The following SPSB1 variants were observed in gnomAD, a reference collection of about 807,000 sequenced individuals.
SPSB1 encodes splA/ryanodine receptor domain and SOCS box containing 1, also known as SPRY domain-containing SOCS box protein 1.
SPSB1 carries 8 observed loss-of-function variants against 21.2 expected under a neutral mutation model. The observed-to-expected ratio is 0.38, with a 90% CI of 0.22 to 0.68. SPSB1 has a LOEUF of 0.68. Ranked by LOEUF, SPSB1 falls within the 30% of genes least tolerant of loss-of-function variation. The pLI, the probability that SPSB1 is intolerant of heterozygous loss-of-function variation, is 0.53. For missense variants in SPSB1, 242 were observed against 377.8 expected (o/e 0.64, Z 2.98); for synonymous variants, 169 against 161.7 (o/e 1.05, Z -0.34).
At chr1:9,326,267 A>AC (rs1639814283) in intron 1 of SPSB1, among the ~76,000 whole-genome samples, 1 of 151,710 alleles carries the variant, frequency 6.6e-6, no homozygotes, top group Non-Finnish European at 1.5e-5. Flanking sequence ...TCCCAGCACC[A>AC]CCCCAAGGGC....
In SPSB1 at chr1:9,369,029, A is replaced by T. The variant is rs956471058; in HGVS notation, c.*1454A>T. 3.9e-5 allele frequency: 6 copies of T among 152,506 alleles called. No homozygotes were observed. Among genetic ancestry groups the T allele is most frequent in the Non-Finnish European group, 8.8e-5 (6 of 68,028 alleles). The allele number at this position is 152,506 out of a possible 1,614,324, so 9.4% of individuals were successfully genotyped here. A position where few individuals can be genotyped will look rare whatever the true frequency, so the allele number is the denominator to read the frequency against. ...CAATAGATGACTTTATTTGTTTAAA[A>T]TGTTTAATATATATACATACATATA... On this transcript the variant is annotated 3_prime_UTR_variant, in exon 3 of 3. Transcript: ENST00000328089.
intron 1 of SPSB1, among the ~76,000 whole-genome samples, chr1:9,323,490 A>G (rs1379375620): frequency 6.6e-6 from 1 of 152,208 alleles, no homozygotes; most frequent in Non-Finnish European, 1.5e-5. Context: ...CTTGAAGGTC[A>G]GAAGTCAGTG....
chr1:9,333,434 G>A (rs746157194), intron 1 of SPSB1, among the ~76,000 whole-genome samples: 3 of 151,006 alleles, frequency 2.0e-5, no homozygotes, highest in African/African-American at 7.3e-5. Context: ...AGGTTCAGGC[G>A]ATTCTTCTGC....
chr1:9,343,084 A>AGGT (rs1343985951), intron 1 of SPSB1, among the ~76,000 whole-genome samples: 5 of 152,276 alleles, frequency 3.3e-5, no homozygotes, highest in Admixed American at 1.3e-4. Flanking sequence ...GTTTTTATTG[A>AGGT]GGTGAAATTC....
In SPSB1 at chr1:9,329,208, C is replaced by T. The variant is rs561780824; in HGVS notation, c.-149-26535C>T. On this transcript the variant is annotated intron_variant, in intron 1 of 2. Coordinates refer to ENST00000328089, the MANE Select transcript of SPSB1 (RefSeq NM_025106.4). ...TGCAGGTGGTTCAGTCTGCATGGGG[C>T]CCGAGCACAGCCGGTTGAGGGTTTG... is the stretch of plus-strand genomic sequence containing the variant. Among the ~76,000 whole-genome samples the T allele has an allele frequency of 1.2e-4, 19 of 152,134 alleles. No homozygotes were observed. In the South Asian group the frequency reaches 2.1e-3, roughly 17 times the overall value.
At chr1:9,314,434 G>A (rs1247087919) in intron 1 of SPSB1, among the ~76,000 whole-genome samples, 1 of 151,866 alleles carries the variant, frequency 6.6e-6, no homozygotes, top group South Asian at 2.1e-4. Flanking sequence ...CCACTTGTGA[G>A]CATCTAGACC....
intron 1 of SPSB1, among the ~76,000 whole-genome samples, chr1:9,303,806 G>A (rs1238785617): frequency 5.9e-5 from 9 of 152,210 alleles, no homozygotes; most frequent in African/African-American, 1.9e-4. Flanking sequence ...GATAAGGGGC[G>A]AACCTGTGAT....
rs57871457 is a variant in SPSB1 at position 9,361,156 on chromosome 1, C to CTTTTTTTTTTTT, written c.694+4587_694+4598dup. On this transcript the variant is annotated intron_variant, in intron 2 of 2. Transcript: ENST00000328089. ...CAGGCATGGCTGGATCTGTCATTTT[C>CTTTTTTTTTTTT]TTTTTTTTTTTTTTTTTTTTTTTTT... 2.6e-4 allele frequency among the ~76,000 whole-genome samples: 27 copies of CTTTTTTTTTTTT among 102,568 alleles called. 1 individual carries two copies. Among genetic ancestry groups the CTTTTTTTTTTTT allele is most frequent in the African/African-American group, 1.1e-3 (27 of 24,216 alleles). The allele number at this position is 102,568 out of a possible 152,430, so 67.3% of individuals were successfully genotyped here. A position where few individuals can be genotyped will look rare whatever the true frequency, so the allele number is the denominator to read the frequency against.
intron 2 of SPSB1, among the ~76,000 whole-genome samples, chr1:9,359,849 G>GGA (rs1553128812): frequency 6.6e-6 from 1 of 151,142 alleles, no homozygotes; most frequent in Non-Finnish European, 1.5e-5. Flanking sequence ...ATGGAAGCCG[G>GGA]GGGGGTGGGT....
chr1:9,297,361 G>T (rs1012491343), intron 1 of SPSB1, among the ~76,000 whole-genome samples: 1 of 152,094 alleles, frequency 6.6e-6, no homozygotes, highest in Non-Finnish European at 1.5e-5. Flanking sequence ...TCCAGGGTTG[G>T]AAAAACCTAC....
rs1025063524 is a variant in SPSB1, at chr1:9,324,961, G to A, written c.-149-30782G>A. ...CCCGGCCTGGCGGGCTGGTGGATCG[G>A]AGGCGCCTGTGAGCGGGTCAGTACT... On this transcript the variant is annotated intron_variant, in intron 1 of 2. Transcript: ENST00000328089. The surrounding 1 kb of genome is among the most constrained non-coding windows in gnomAD (Gnocchi z 4.3). 6.6e-6 allele frequency among the ~76,000 whole-genome samples: 1 copy of A among 152,244 alleles called. No homozygotes were observed. Among genetic ancestry groups the A allele is most frequent in the African/African-American group, 2.4e-5 (1 of 41,466 alleles).
At chr1:9,334,308 A>G (rs1236492669) in intron 1 of SPSB1, among the ~76,000 whole-genome samples, 7 of 151,528 alleles carry the variant, frequency 4.6e-5, no homozygotes, top group Non-Finnish European at 4.4e-5. Context: ...CTGCTCTCGA[A>G]CTCTTGACCT....
chr1:9,310,642 T>C (rs1569576544), intron 1 of SPSB1, among the ~76,000 whole-genome samples: 1 of 151,598 alleles, frequency 6.6e-6, no homozygotes, highest in African/African-American at 2.4e-5. Flanking sequence ...CTGCAGTGAG[T>C]TGTGATTGCA....
chr1:9,359,874 G>A (rs560799640), intron 2 of SPSB1, among the ~76,000 whole-genome samples: 90 of 151,378 alleles, frequency 5.9e-4, no homozygotes, highest in African/African-American at 2.0e-3. Context: ...GGGGCGGCCC[G>A]GTTCCGGGAC....
chr1:9,367,637 G>T lies in SPSB1; in HGVS notation c.*62G>T. 1.3e-6 allele frequency: 2 copies of T among 1,521,080 alleles called. No individual in the cohort carries two copies. Among genetic ancestry groups the T allele is most frequent in the Admixed American group, 2.0e-5 (1 of 49,868 alleles). 94.2% of individuals were successfully genotyped at this position (1,521,080 alleles called of 1,614,324 possible). ...GTGCCAACTCACTGAGCCGCCTGCC[G>T]CTGGGGCCGCCGCACCCTGCACCTT... On this transcript the variant is annotated 3_prime_UTR_variant, in exon 3 of 3. Transcript: ENST00000328089. This position sits in a 1 kb window ranked among gnomAD's most constrained non-coding sequence, Gnocchi z 5.9.
At chr1:9,328,109 A>G (rs983200070) in intron 1 of SPSB1, among the ~76,000 whole-genome samples, 1 of 152,248 alleles carries the variant, frequency 6.6e-6, no homozygotes, top group Non-Finnish European at 1.5e-5. Flanking sequence ...TACCTCACAC[A>G]GTAAACATCT....
intron 1 of SPSB1, among the ~76,000 whole-genome samples, chr1:9,335,508 A>G (rs1345322828): frequency 6.7e-6 from 1 of 149,964 alleles, no homozygotes; most frequent in African/African-American, 2.5e-5. Context: ...TCTCAAAAAA[A>G]AAAAAAAGAT....
In SPSB1 at chr1:9,317,821, G is replaced by A. The variant is rs945992643; in HGVS notation, c.-150+24750G>A. On this transcript the variant is annotated intron_variant, in intron 1 of 2. Transcript: ENST00000328089. The surrounding 1 kb of genome is among the most constrained non-coding windows in gnomAD (Gnocchi z 4.3). ...TCAGAGCCTTATGTAGGTGATTTCC[G>A]GTGGCGAGGGAACCAATTTTTTTTT... Among the ~76,000 whole-genome samples, 2 of 148,582 alleles carry A rather than the reference G, an allele frequency of 1.3e-5. No homozygotes were observed. Among genetic ancestry groups the A allele is most frequent in the Non-Finnish European group, 3.0e-5 (2 of 67,592 alleles).
At chr1:9,357,302 T>C (rs1174249701) in intron 2 of SPSB1, among the ~76,000 whole-genome samples, 1 of 151,928 alleles carries the variant, frequency 6.6e-6, no homozygotes, top group African/African-American at 2.4e-5. Flanking sequence ...GGTGGATGGA[T>C]CAGTGAATGG....
Sources: allele counts gnomAD v4.1 joint callset (sites outside exome capture counted in the v4.1 genomes callset), GRCh38; gene constraint gnomAD v4.1.1; non-coding constraint Gnocchi (gnomAD v3.1); transcripts MANE v1.5; gene names NCBI Gene and HGNC (gene_info 2026-07-23, HGNC 2026-07-21).